VPS50: variants seen among roughly 807,000 people sequenced by gnomAD.
VPS50 encodes the protein VPS50 subunit of EARP/GARPII complex.
In VPS50, 70 loss-of-function variants were observed where a neutral mutation model predicts 139.7. The observed-to-expected ratio is 0.50, with a 90% CI of 0.41 to 0.61. VPS50 has a LOEUF of 0.61. VPS50 is among the 20% of genes least tolerant of loss of function. VPS50 has a pLI of 0.00. For synonymous variants in VPS50, 365 were observed against 376.7 expected (o/e 0.97, Z 0.36); for missense variants, 921 against 1,133.7 (o/e 0.81, Z 2.69).
chr7:93,253,109 A>G (rs768279244), intron 3 of VPS50, among the ~76,000 whole-genome samples: 2 of 152,224 alleles, frequency 1.3e-5, no homozygotes, highest in Non-Finnish European at 2.9e-5. Context: ...ATGTATTTAC[A>G]TAATTGTTTA....
At chr7:93,272,577 C>A in intron 10 of VPS50, 58 bp from the exon 11 acceptor site, 2 of 679,876 alleles carry the variant, frequency 2.9e-6, no homozygotes, top group South Asian at 2.1e-5. Flanking sequence ...GTTTTCTTCT[C>A]ATTGCCTTGA....
At chr7:93,264,080 G>T (rs1365208019) in intron 9 of VPS50, among the ~76,000 whole-genome samples, 1 of 152,060 alleles carries the variant, frequency 6.6e-6, no homozygotes, top group Non-Finnish European at 1.5e-5. Context: ...TCTATGGAGG[G>T]TCTCAGAATA....
chr7:93,283,368 T>C (rs1276728929), intron 12 of VPS50, among the ~76,000 whole-genome samples: 2 of 151,864 alleles, frequency 1.3e-5, no homozygotes, highest in Admixed American at 1.3e-4. Flanking sequence ...TCCCAAGTAG[T>C]TGGGATTACA....
Position 93,252,648 on chromosome 7 carries a change from TA to T in VPS50, c.103-2del. 1 of 1,582,072 alleles carries T rather than the reference TA, an allele frequency of 6.3e-7. No individual in the cohort carries two copies. Among genetic ancestry groups the T allele is most frequent in the Non-Finnish European group, 8.6e-7 (1 of 1,160,782 alleles). ...TACTATAATTGTGATTTTTTTTTCT[TA>T]AAGGAAGAATTCAGGGAACTTCGAG... On this transcript the variant is annotated splice_region_variant and splice_polypyrimidine_tract_variant and intron_variant, in intron 2 of 27. Coordinates refer to ENST00000305866, the MANE Select transcript of VPS50 (RefSeq NM_017667.4).
intron 21 of VPS50, among the ~76,000 whole-genome samples, chr7:93,327,044 A>G (rs1194228159): frequency 6.6e-6 from 1 of 152,220 alleles, no homozygotes; most frequent in Non-Finnish European, 1.5e-5. Flanking sequence ...ATAAATATTG[A>G]GGAAGACATT....
intron 24 of VPS50, 101 bp downstream of exon 24, chr7:93,348,908 G>A (rs1798479624): frequency 6.9e-6 from 5 of 724,374 alleles, no homozygotes; most frequent in East Asian, 2.6e-5. Context: ...AGTCAGTCTT[G>A]AAACCCCAGG....
intron 10 of VPS50, among the ~76,000 whole-genome samples, chr7:93,272,422 T>C (rs1796036332): frequency 1.3e-5 from 2 of 151,878 alleles, no homozygotes; most frequent in Admixed American, 1.3e-4. Context: ...ATTCACATGT[T>C]AATATCTTGG....
chr7:93,359,452 T>A lies in VPS50; in HGVS notation c.*1016T>A, dbSNP rs565971364. 6.6e-6 allele frequency: 1 copy of A among 152,292 alleles called. No homozygotes were observed. Among genetic ancestry groups the A allele is most frequent in the African/African-American group, 2.4e-5 (1 of 41,582 alleles). 9.4% of individuals were successfully genotyped at this position (152,292 alleles called of 1,614,324 possible). On this transcript the variant is annotated 3_prime_UTR_variant, in exon 28 of 28. Coordinates refer to ENST00000305866, the MANE Select transcript of VPS50 (RefSeq NM_017667.4). ...GAATCCACTTAGTCTTCAGTAAGTA[T>A]GTGCTGTTCCTCTAAACTTTGCCCT...
intron 12 of VPS50, among the ~76,000 whole-genome samples, chr7:93,284,134 A>G (rs1796411588): frequency 6.6e-6 from 1 of 152,200 alleles, no homozygotes; most frequent in Non-Finnish European, 1.5e-5. Context: ...GAGCCAACCT[A>G]TCTTTATATG....
At chr7:93,355,217 T>G (rs1352773814) in intron 26 of VPS50, among the ~76,000 whole-genome samples, 1 of 152,122 alleles carries the variant, frequency 6.6e-6, no homozygotes, top group East Asian at 1.9e-4. Context: ...CAGTTGAATT[T>G]TCCATGTTCT....
rs188542498 is a variant in VPS50 at position 93,347,582 on chromosome 7, T to C, written c.2208-1129T>C. 5.6e-3 allele frequency among the ~76,000 whole-genome samples: 751 copies of C among 134,778 alleles called. 21 individuals carry two copies. The highest frequency in any genetic ancestry group is 0.023 in the African/African-American group (725 of 31,832). The allele number at this position is 134,778 out of a possible 152,430, so 88.4% of individuals were successfully genotyped here. A position where few individuals can be genotyped will look rare whatever the true frequency, so the allele number is the denominator to read the frequency against. Reference sequence around the variant, plus strand: ...CAAAGACTTGGAACCAACCCAAATGTCCAACAATGATAGACTCGATTAAGA... The same window carrying C: ...CAAAGACTTGGAACCAACCCAAATGCCCAACAATGATAGACTCGATTAAGA... On this transcript the variant is annotated intron_variant, in intron 23 of 27. Transcript: ENST00000305866.
At chr7:93,287,406 C>A (rs1796522153) in intron 12 of VPS50, among the ~76,000 whole-genome samples, 1 of 148,496 alleles carries the variant, frequency 6.7e-6, no homozygotes, top group African/African-American at 2.5e-5. Flanking sequence ...CAAGAGATAA[C>A]ATAATGAAGG....
At chr7:93,250,610 A>T (rs903632784) in intron 2 of VPS50, among the ~76,000 whole-genome samples, 3 of 152,172 alleles carry the variant, frequency 2.0e-5, no homozygotes, top group Non-Finnish European at 4.4e-5. Context: ...AACCTAGGCA[A>T]TACCATTCAG....
intron 21 of VPS50, among the ~76,000 whole-genome samples, chr7:93,328,683 A>G (rs933459821): frequency 6.6e-6 from 1 of 152,290 alleles, no homozygotes; most frequent in African/African-American, 2.4e-5. Flanking sequence ...GTTCAGTTCT[A>G]AGTGCAGTCC....
chr7:93,252,010 A>G (rs1795349673), intron 2 of VPS50, among the ~76,000 whole-genome samples: 2 of 152,194 alleles, frequency 1.3e-5, no homozygotes, highest in Non-Finnish European at 2.9e-5. Context: ...CTGTTCTTCA[A>G]ATCCACAGAA....
intron 16 of VPS50, among the ~76,000 whole-genome samples, chr7:93,302,841 C>T (rs896849313): frequency 6.6e-6 from 1 of 151,886 alleles, no homozygotes; most frequent in African/African-American, 2.4e-5. Flanking sequence ...GCTGATTACT[C>T]AGGATAGACA....
At chr7:93,322,895 T>G (rs1475697700) in intron 20 of VPS50, among the ~76,000 whole-genome samples, 1 of 152,178 alleles carries the variant, frequency 6.6e-6, no homozygotes, top group Admixed American at 6.5e-5. Flanking sequence ...TTTAATTCAT[T>G]GTGTTTTTTG....
At chr7:93,333,556 T>C (rs1454871609) in intron 21 of VPS50, among the ~76,000 whole-genome samples, 1 of 152,182 alleles carries the variant, frequency 6.6e-6, no homozygotes, top group Non-Finnish European at 1.5e-5. Context: ...ATTCTTACCC[T>C]TCTCATTTAT....
chr7:93,355,992 C>G lies in VPS50; in HGVS notation c.2687C>G (p.Pro896Arg). ...MKLEKLTDIR[P>R]IPDKEFVETY... ...CTTGAAAAACTAACAGATATTAGAC[C>G]CATTCCTGATAAAGAATTTGTAGAA... is the stretch of plus-strand genomic sequence containing the variant. The change falls in exon 27 of 28, where the codon CCC (proline) becomes CGC (arginine). Residue 896 changes from proline (P) to arginine (R), a missense_variant. Physicochemically the swap from Pro to Arg is moderately radical, Grantham distance 103. This residue lies in a region of VPS50 where 158 missense variants were observed against 156.3 expected (regional missense o/e 1.01). Coordinates refer to ENST00000305866, the MANE Select transcript of VPS50 (RefSeq NM_017667.4). 1 of 1,582,888 alleles carries G rather than the reference C, an allele frequency of 6.3e-7. No individual in the cohort carries two copies.
Sources: allele counts gnomAD v4.1 joint callset (sites outside exome capture counted in the v4.1 genomes callset), GRCh38; gene constraint gnomAD v4.1.1; regional missense constraint gnomAD v4.1.1; transcripts MANE v1.5; gene names NCBI Gene and HGNC (gene_info 2026-07-23, HGNC 2026-07-21).